Variants in RORB observed in about 807,000 individuals in gnomAD.
The protein encoded by RORB is RAR related orphan receptor B, also known as nuclear receptor ROR-beta.
RORB carries 6 observed loss-of-function variants against 59.1 expected under a neutral mutation model. The ratio of observed to expected loss-of-function variants is 0.10; its 90% confidence interval spans 0.06 to 0.20. The LOEUF (loss-of-function observed/expected upper bound fraction) is 0.20. RORB is among the 10% of genes least tolerant of loss of function. The pLI, the probability that RORB is intolerant of heterozygous loss-of-function variation, is 1.00. For missense variants in RORB, 320 were observed against 560.5 expected (o/e 0.57, Z 4.33); for synonymous variants, 215 against 204.5 (o/e 1.05, Z -0.44).
chr9:74,559,032 T>C (rs1010886035), intron 1 of RORB, among the ~76,000 whole-genome samples: 11 of 152,138 alleles, frequency 7.2e-5, no homozygotes, highest in African/African-American at 2.7e-4. Flanking sequence ...ATTAAGACTT[T>C]AGTCTCTTGG....
chr9:74,617,152 AT>A (rs1823327209), intron 1 of RORB, among the ~76,000 whole-genome samples: 1 of 151,920 alleles, frequency 6.6e-6, no homozygotes, highest in Admixed American at 6.6e-5. Flanking sequence ...TGGAAAAGAA[AT>A]TTTTTGTACC....
chr9:74,652,451 GA>G (rs1824009618), intron 4 of RORB, among the ~76,000 whole-genome samples: 1 of 152,098 alleles, frequency 6.6e-6, no homozygotes. Flanking sequence ...TAAAATTTGA[GA>G]AAATGTTAAT....
intron 1 of RORB, among the ~76,000 whole-genome samples, chr9:74,607,730 C>T (rs1823170503): frequency 6.6e-6 from 1 of 152,074 alleles, no homozygotes; most frequent in Non-Finnish European, 1.5e-5. Context: ...GGCTGTAGGA[C>T]AAATTACTGA....
chr9:74,627,619 A>G (rs1054836504), intron 1 of RORB, among the ~76,000 whole-genome samples: 1 of 152,144 alleles, frequency 6.6e-6, no homozygotes, highest in African/African-American at 2.4e-5. Flanking sequence ...TCATTTTATA[A>G]TTAAGAACTT....
intron 9 of RORB, among the ~76,000 whole-genome samples, chr9:74,678,840 T>A (rs1824490946): frequency 6.6e-6 from 1 of 151,958 alleles, no homozygotes; most frequent in African/African-American, 2.4e-5. Flanking sequence ...AAGACCGGCC[T>A]GGCCAACACA....
At chr9:74,508,430 G>A (rs78677594) in intron 1 of RORB, among the ~76,000 whole-genome samples, 72 of 152,086 alleles carry the variant, frequency 4.7e-4, no homozygotes, top group African/African-American at 1.6e-3. Flanking sequence ...CACCAAAATT[G>A]TACTGTATCC....
At chr9:74,643,045 G>A (rs549262789) in intron 4 of RORB, among the ~76,000 whole-genome samples, 2 of 152,098 alleles carry the variant, frequency 1.3e-5, no homozygotes, top group Non-Finnish European at 2.9e-5. Context: ...TAAATAGAAA[G>A]ATGCTATCTG....
chr9:74,617,143 G>A (rs1374970994), intron 1 of RORB, among the ~76,000 whole-genome samples: 1 of 148,316 alleles, frequency 6.7e-6, no homozygotes, highest in African/African-American at 2.5e-5. Flanking sequence ...TCTAAAAAAT[G>A]GAAAAGAAAT....
chr9:74,688,914 C>T lies in RORB; in HGVS notation c.*3296C>T, dbSNP rs1487098096. ...AAGGAAAATACAGAAATCTAACTGG[C>T]ATTAGATAAAATGGACAAGGGAGGT... On this transcript the variant is annotated 3_prime_UTR_variant, in exon 10 of 10. Transcript: ENST00000376896. The T allele has an allele frequency of 6.6e-6, 1 of 152,188 alleles. No individual in the cohort carries two copies. The highest frequency in any genetic ancestry group is 6.5e-5 in the Admixed American group (1 of 15,278). 9.4% of individuals were successfully genotyped at this position (152,188 alleles called of 1,614,324 possible).
intron 1 of RORB, among the ~76,000 whole-genome samples, chr9:74,568,861 TTCC>T (rs971908482): frequency 6.6e-6 from 1 of 152,090 alleles, no homozygotes; most frequent in Non-Finnish European, 1.5e-5. Context: ...TATTTGCAGT[TTCC>T]TCAAGATATT....
At chr9:74,675,550 G>A (rs772653286) in intron 9 of RORB, among the ~76,000 whole-genome samples, 1 of 152,120 alleles carries the variant, frequency 6.6e-6, no homozygotes, top group Non-Finnish European at 1.5e-5. Flanking sequence ...CAGTGTGATT[G>A]TTTTAAGTAC....
At chr9:74,564,186 C>T (rs551087525) in intron 1 of RORB, among the ~76,000 whole-genome samples, 1 of 152,298 alleles carries the variant, frequency 6.6e-6, no homozygotes, top group African/African-American at 2.4e-5. Context: ...AGAGGAGACA[C>T]TTAGCCCCTC....
At chr9:74,530,972 C>T (rs1433951065) in intron 1 of RORB, among the ~76,000 whole-genome samples, 2 of 151,340 alleles carry the variant, frequency 1.3e-5, no homozygotes, top group Non-Finnish European at 2.9e-5. Context: ...ATTTGTTAAA[C>T]GTTATTCTTA....
At chr9:74,516,470 G>A (rs1826012276) in intron 1 of RORB, among the ~76,000 whole-genome samples, 1 of 152,040 alleles carries the variant, frequency 6.6e-6, no homozygotes, top group Non-Finnish European at 1.5e-5. Context: ...AGAATTGAGA[G>A]ATGCTGAAAT....
intron 1 of RORB, among the ~76,000 whole-genome samples, chr9:74,595,315 C>G (rs547301290): frequency 2.6e-4 from 40 of 152,282 alleles, no homozygotes; most frequent in African/African-American, 9.1e-4. Flanking sequence ...TCATGGCTCA[C>G]CAAAAGTAAG....
At chr9:74,594,292 T>C (rs941871955) in intron 1 of RORB, among the ~76,000 whole-genome samples, 9 of 152,180 alleles carry the variant, frequency 5.9e-5, no homozygotes, top group African/African-American at 2.2e-4. Flanking sequence ...GCACTGCCCA[T>C]GATGCATCCA....
At chr9:74,585,917 C>A (rs1473920494) in intron 1 of RORB, among the ~76,000 whole-genome samples, 1 of 151,886 alleles carries the variant, frequency 6.6e-6, no homozygotes, top group Non-Finnish European at 1.5e-5. Flanking sequence ...GCCTCAGCCT[C>A]CCGAGTAGCT....
intron 9 of RORB, among the ~76,000 whole-genome samples, chr9:74,674,442 G>C (rs1246547846): frequency 6.6e-6 from 1 of 152,192 alleles, no homozygotes; most frequent in Non-Finnish European, 1.5e-5. Context: ...TCTGCTTTCT[G>C]TGTCGTGTGC....
chr9:74,630,219 T>C (rs573749720), intron 1 of RORB, 63 bp from the exon 2 acceptor site: 537 of 1,588,912 alleles, frequency 3.4e-4, no homozygotes, highest in Middle Eastern at 8.4e-4. Flanking sequence ...GGGAGAGAGA[T>C]AGGAAGAGTG....
Sources: allele counts gnomAD v4.1 joint callset (sites outside exome capture counted in the v4.1 genomes callset), GRCh38; gene constraint gnomAD v4.1.1; transcripts MANE v1.5; gene names NCBI Gene and HGNC (gene_info 2026-07-23, HGNC 2026-07-21).